The following RGS17 variants were observed in gnomAD, a reference collection of about 807,000 sequenced individuals.
RGS17 encodes the protein regulator of G-protein signaling 17.
A neutral mutation model predicts 25.5 loss-of-function variants in RGS17; 12 were observed. The observed-to-expected ratio is 0.47, with a 90% CI of 0.30 to 0.76. RGS17 has a LOEUF of 0.76. RGS17 is among the 30% of genes least tolerant of loss of function. RGS17 has a pLI of 0.07. For synonymous variants in RGS17, 71 were observed against 76.9 expected (o/e 0.92, Z 0.40); for missense variants, 196 against 242.2 (o/e 0.81, Z 1.27).
intron 1 of RGS17, among the ~76,000 whole-genome samples, chr6:153,127,881 T>G (rs1777725753): frequency 6.6e-6 from 1 of 152,232 alleles, no homozygotes; most frequent in African/African-American, 2.4e-5. Flanking sequence ...TTGCGAGCCA[T>G]GTCGACCCTG....
chr6:153,015,584 C>T (rs1204055630), intron 4 of RGS17, among the ~76,000 whole-genome samples: 1 of 152,036 alleles, frequency 6.6e-6, no homozygotes, highest in Non-Finnish European at 1.5e-5. Flanking sequence ...AAGGTATCCA[C>T]ATTTTTAAGA....
chr6:153,068,586 G>A (rs1189611907), intron 1 of RGS17, among the ~76,000 whole-genome samples: 4 of 152,074 alleles, frequency 2.6e-5, no homozygotes, highest in African/African-American at 9.7e-5. Flanking sequence ...GGCAACCAAC[G>A]CAAAAATAGT....
At chr6:153,117,889 A>C (rs1022018372) in intron 1 of RGS17, among the ~76,000 whole-genome samples, 1 of 152,246 alleles carries the variant, frequency 6.6e-6, no homozygotes, top group African/African-American at 2.4e-5. Context: ...ACTAATAATA[A>C]ATACAATAAT....
chr6:153,012,524 A>G (rs1303215623), intron 4 of RGS17, among the ~76,000 whole-genome samples: 1 of 152,196 alleles, frequency 6.6e-6, no homozygotes, highest in Non-Finnish European at 1.5e-5. Flanking sequence ...TTCCTCACTA[A>G]ATGCAAATCC....
At chr6:153,098,411 C>G (rs1166062917) in intron 1 of RGS17, among the ~76,000 whole-genome samples, 1 of 152,166 alleles carries the variant, frequency 6.6e-6, no homozygotes, top group Non-Finnish European at 1.5e-5. Flanking sequence ...TTTAACACTT[C>G]CCACTCTTAA....
chr6:153,060,838 T>C (rs1776627579), intron 1 of RGS17, among the ~76,000 whole-genome samples: 1 of 152,154 alleles, frequency 6.6e-6, no homozygotes, highest in Admixed American at 6.5e-5. Flanking sequence ...CATTATGAAA[T>C]TCTGAACCCA....
At chr6:153,031,969 C>T (rs529293953) in intron 2 of RGS17, among the ~76,000 whole-genome samples, 2 of 152,258 alleles carry the variant, frequency 1.3e-5, no homozygotes, top group African/African-American at 2.4e-5. Flanking sequence ...TGACTGCAGA[C>T]GGTGTTGCTA....
chr6:153,038,965 A>C (rs1316585892), intron 2 of RGS17, among the ~76,000 whole-genome samples: 1 of 152,200 alleles, frequency 6.6e-6, no homozygotes, highest in Admixed American at 6.5e-5. Context: ...GTATCCAAAA[A>C]AGAGACAATT....
chr6:153,052,283 G>C (rs1323781641), intron 1 of RGS17, among the ~76,000 whole-genome samples: 6 of 152,104 alleles, frequency 3.9e-5, no homozygotes, highest in Non-Finnish European at 7.3e-5. Context: ...TGGGCCTGGA[G>C]TGCACAGCAT....
chr6:153,027,770 A>C (rs182136453), intron 2 of RGS17, among the ~76,000 whole-genome samples: 2 of 152,136 alleles, frequency 1.3e-5, no homozygotes, highest in African/African-American at 2.4e-5. Context: ...TGTATTTCTG[A>C]GTGCCTGCTA....
At chr6:153,067,787 C>A (rs1161387304) in intron 1 of RGS17, among the ~76,000 whole-genome samples, 1 of 152,132 alleles carries the variant, frequency 6.6e-6, no homozygotes, top group East Asian at 1.9e-4. Flanking sequence ...AAACACATTT[C>A]TCAGAGAAAT....
intron 1 of RGS17, among the ~76,000 whole-genome samples, chr6:153,070,832 C>CATACAT (rs908304308): frequency 8.7e-5 from 13 of 150,282 alleles, no homozygotes; most frequent in African/African-American, 2.4e-4. Flanking sequence ...CATATATACA[C>CATACAT]ATACATATAC....
chr6:153,020,128 ATATATATATATTTTTTTTTTTTTTTTTT>A, intron 4 of RGS17, among the ~76,000 whole-genome samples: 1 of 93,130 alleles, frequency 1.1e-5, no homozygotes, highest in South Asian at 4.0e-4. Context: ...ATATATATAT[ATATATATATATTTTTTTTTTTTTTTTTT>A]TTTTTTTTTT....
intron 4 of RGS17, chr6:153,023,321 C>T: frequency 4.1e-6 from 2 of 493,150 alleles, no homozygotes; most frequent in East Asian, 5.6e-5. Context: ...AGGTAAAAAT[C>T]ACAGTTGTTT....
chr6:153,060,075 T>A (rs1012813981), intron 1 of RGS17, among the ~76,000 whole-genome samples: 1 of 152,094 alleles, frequency 6.6e-6, no homozygotes, highest in African/African-American at 2.4e-5. Context: ...CCACACTGAG[T>A]TGTGACCCTG....
intron 1 of RGS17, among the ~76,000 whole-genome samples, chr6:153,063,281 C>T (rs181671817): frequency 9.9e-5 from 15 of 152,232 alleles, no homozygotes; most frequent in East Asian, 7.7e-4. Flanking sequence ...TATGACCTTT[C>T]GGACAGAGAA....
At chr6:153,055,082 G>T (rs1376246861) in intron 1 of RGS17, among the ~76,000 whole-genome samples, 1 of 152,200 alleles carries the variant, frequency 6.6e-6, no homozygotes, top group East Asian at 1.9e-4. Context: ...GCTGCTTAGT[G>T]ACAGTGCCTA....
chr6:153,049,522 C>T (rs539258142), intron 1 of RGS17, among the ~76,000 whole-genome samples: 10 of 152,132 alleles, frequency 6.6e-5, no homozygotes, highest in South Asian at 2.1e-4. Flanking sequence ...GAGGCCGAGG[C>T]GGGTGGATCA....
intron 1 of RGS17, among the ~76,000 whole-genome samples, chr6:153,106,447 C>T (rs1017814525): frequency 6.6e-6 from 1 of 150,544 alleles, no homozygotes; most frequent in Non-Finnish European, 1.5e-5. Context: ...ATTTTGCAAG[C>T]AGGAGAGGGT....
Sources: allele counts gnomAD v4.1 joint callset (sites outside exome capture counted in the v4.1 genomes callset), GRCh38; gene constraint gnomAD v4.1.1; transcripts MANE v1.5; gene names NCBI Gene and HGNC (gene_info 2026-07-23, HGNC 2026-07-21).